Variants in TACR1 observed in about 807,000 individuals in gnomAD.
TACR1 encodes the protein tachykinin receptor 1, also known as substance-P receptor.
Under a neutral mutation model 35.8 loss-of-function variants are expected in TACR1, and 25 were observed. The ratio of observed to expected loss-of-function variants is 0.70; its 90% CI spans 0.51 to 0.98. The LOEUF (loss-of-function observed/expected upper bound fraction) is 0.98, where lower values mean the gene tolerates loss of function less well. Ranked by LOEUF, TACR1 falls within the 50% of genes least tolerant of loss-of-function variation. The pLI, the probability that TACR1 is intolerant of heterozygous loss-of-function variation, is 0.00. For synonymous variants in TACR1, 195 were observed against 206.7 expected (o/e 0.94, Z 0.48); for missense variants, 478 against 522.9 (o/e 0.91, Z 0.84).
chr2:75,098,197 C>CAAGA (rs1215882292), intron 2 of TACR1, among the ~76,000 whole-genome samples: 5 of 152,270 alleles, frequency 3.3e-5, no homozygotes, highest in Non-Finnish European at 5.9e-5. Context: ...ATTCCATTCT[C>CAAGA]AAGAAAGAAA....
chr2:75,186,814 C>T (rs1675716528), intron 1 of TACR1: 1 of 152,146 alleles, frequency 6.6e-6, no homozygotes, highest in Admixed American at 6.5e-5. Context: ...TCATCTGTTT[C>T]ATCTCCATTT....
At chr2:75,150,347 C>G (rs1674642545) in intron 1 of TACR1, among the ~76,000 whole-genome samples, 1 of 152,186 alleles carries the variant, frequency 6.6e-6, no homozygotes, top group Non-Finnish European at 1.5e-5. Context: ...ACGCAAATCT[C>G]AACTTGAATT....
chr2:75,119,820 G>T (rs556990907), intron 2 of TACR1, among the ~76,000 whole-genome samples: 2 of 152,260 alleles, frequency 1.3e-5, no homozygotes, highest in East Asian at 3.9e-4. Flanking sequence ...CCGCAAAGGG[G>T]AATCCTTATC....
intron 1 of TACR1, among the ~76,000 whole-genome samples, chr2:75,128,495 G>T (rs1184691668): frequency 6.6e-6 from 1 of 152,176 alleles, no homozygotes; most frequent in African/African-American, 2.4e-5. Flanking sequence ...GAGTGTTTCT[G>T]CCAGCAGGTG....
chr2:75,105,037 A>G (rs908018398), intron 2 of TACR1, among the ~76,000 whole-genome samples: 1 of 152,138 alleles, frequency 6.6e-6, no homozygotes, highest in Non-Finnish European at 1.5e-5. Context: ...ACTTGTGGGT[A>G]TATATCTGAA....
chr2:75,184,972 T>G (rs930946205), intron 1 of TACR1, among the ~76,000 whole-genome samples: 3 of 151,880 alleles, frequency 2.0e-5, no homozygotes, highest in African/African-American at 7.2e-5. Context: ...CCAGTAAAAA[T>G]TTCAACAGGA....
intron 1 of TACR1, among the ~76,000 whole-genome samples, chr2:75,185,058 GAAAT>G (rs1309513985): frequency 6.6e-6 from 1 of 151,808 alleles, no homozygotes; most frequent in Non-Finnish European, 1.5e-5. Context: ...TACGATTAAA[GAAAT>G]AGTCAACAAA....
intron 2 of TACR1, among the ~76,000 whole-genome samples, chr2:75,091,796 G>A (rs894664373): frequency 6.6e-6 from 1 of 152,198 alleles, no homozygotes; most frequent in Non-Finnish European, 1.5e-5. Context: ...TGACTTATCT[G>A]CTGTATGGGC....
intron 2 of TACR1, among the ~76,000 whole-genome samples, chr2:75,060,997 C>A (rs1672662324): frequency 6.6e-6 from 1 of 152,064 alleles, no homozygotes; most frequent in Non-Finnish European, 1.5e-5. Context: ...GCTTGTCGGG[C>A]AAAGTTGGTA....
intron 2 of TACR1, among the ~76,000 whole-genome samples, chr2:75,055,565 T>C (rs1263061142): frequency 1.3e-5 from 2 of 152,178 alleles, no homozygotes; most frequent in Admixed American, 6.5e-5. Flanking sequence ...AACCTCCAAA[T>C]TGCACTGACT....
At chr2:75,191,973 G>A (rs1040444714) in intron 1 of TACR1, among the ~76,000 whole-genome samples, 2 of 152,058 alleles carry the variant, frequency 1.3e-5, no homozygotes, top group African/African-American at 4.8e-5. Flanking sequence ...ACAAGGTACA[G>A]ACAGTTGCAA....
chr2:75,142,525 G>A (rs769626870), intron 1 of TACR1, among the ~76,000 whole-genome samples: 12 of 152,200 alleles, frequency 7.9e-5, no homozygotes, highest in Non-Finnish European at 1.6e-4. Context: ...CTAATCCACT[G>A]GAGGGAAGAG....
intron 1 of TACR1, among the ~76,000 whole-genome samples, chr2:75,184,818 G>GA (rs1675649131): frequency 6.6e-6 from 1 of 151,356 alleles, no homozygotes; most frequent in Non-Finnish European, 1.5e-5. Context: ...ATCTATAGAA[G>GA]AAAAATGTAA....
At chr2:75,159,310 T>C (rs766708912) in intron 1 of TACR1, among the ~76,000 whole-genome samples, 1 of 152,214 alleles carries the variant, frequency 6.6e-6, no homozygotes, top group Non-Finnish European at 1.5e-5. Context: ...AGGAGGCTAC[T>C]GGTAAGTACA....
intron 1 of TACR1, among the ~76,000 whole-genome samples, chr2:75,193,373 C>G (rs1463783745): frequency 6.6e-6 from 1 of 152,214 alleles, no homozygotes. Context: ...TTTATTTCCT[C>G]TTACCATTCT....
At chr2:75,167,693 G>A (rs1463484478) in intron 1 of TACR1, among the ~76,000 whole-genome samples, 1 of 152,098 alleles carries the variant, frequency 6.6e-6, no homozygotes, top group African/African-American at 2.4e-5. Context: ...CTAAAAATCA[G>A]TAGTGAACAA....
chr2:75,191,752 G>T (rs1375890191), intron 1 of TACR1, among the ~76,000 whole-genome samples: 1 of 152,106 alleles, frequency 6.6e-6, no homozygotes. Flanking sequence ...TGTGCTATAC[G>T]GTCTGCTTGA....
intron 2 of TACR1, among the ~76,000 whole-genome samples, chr2:75,057,343 C>G (rs1239103761): frequency 1.3e-5 from 2 of 152,154 alleles, no homozygotes; most frequent in Non-Finnish European, 2.9e-5. Flanking sequence ...ACTACCTACC[C>G]AAATCCTATA....
At chr2:75,134,213 C>T (rs1674234251) in intron 1 of TACR1, among the ~76,000 whole-genome samples, 1 of 152,188 alleles carries the variant, frequency 6.6e-6, no homozygotes, top group African/African-American at 2.4e-5. Context: ...AATAAACTTG[C>T]TTTCACTTTA....
Sources: allele counts gnomAD v4.1 joint callset (sites outside exome capture counted in the v4.1 genomes callset), GRCh38; gene constraint gnomAD v4.1.1; transcripts MANE v1.5; gene names NCBI Gene and HGNC (gene_info 2026-07-23, HGNC 2026-07-21).